Variants in DDX25 observed in about 807,000 individuals in gnomAD.
DDX25 encodes the protein ATP-dependent RNA helicase DDX25.
Under a neutral mutation model 64.6 loss-of-function variants are expected in DDX25, and 70 were observed. The observed-to-expected ratio is 1.08, with a 90% CI of 0.89 to 1.32. DDX25 has a LOEUF of 1.32. Among genes scored for constraint, DDX25 ranks in the 40% most tolerant of loss-of-function variants. The pLI is 0.00. For synonymous variants in DDX25, 211 were observed against 213.3 expected (o/e 0.99, Z 0.09); for missense variants, 587 against 604.4 (o/e 0.97, Z 0.30).
chr11:125,904,025 T>C (rs1591512489), upstream of DDX25, among the ~76,000 whole-genome samples: 1 of 152,378 alleles, frequency 6.6e-6, no homozygotes, highest in East Asian at 1.9e-4. Flanking sequence ...TCGAGGTCAT[T>C]CGTCATATCA....
chr11:125,922,064 C>A (rs563326097), intron 11 of DDX25: 12 of 152,140 alleles, frequency 7.9e-5, no homozygotes, highest in Admixed American at 7.2e-4. Context: ...CTTTTACTTA[C>A]GCTTTTTCCC....
chr11:125,911,689 T>C (rs1480200116), intron 8 of DDX25, among the ~76,000 whole-genome samples: 1 of 152,254 alleles, frequency 6.6e-6, no homozygotes, highest in Non-Finnish European at 1.5e-5. Flanking sequence ...TTTGTAATCT[T>C]GCCTGAGTGC....
intron 6 of DDX25, among the ~76,000 whole-genome samples, chr11:125,909,046 G>A (rs537517683): frequency 3.9e-4 from 60 of 152,308 alleles, no homozygotes; most frequent in African/African-American, 1.3e-3. Flanking sequence ...AGAGGGAAGT[G>A]TCTTTCTTGA....
Position 125,924,170 on chromosome 11 carries a change from G to C in DDX25, c.*1289G>C, listed in dbSNP as rs1945147878. The C allele has an allele frequency of 6.6e-6, 1 of 152,304 alleles. No homozygotes were observed. Among genetic ancestry groups the C allele is most frequent in the Non-Finnish European group, 1.5e-5 (1 of 68,136 alleles). The allele number at this position is 152,304 out of a possible 1,614,324, so 9.4% of individuals were successfully genotyped here. A position where few individuals can be genotyped will look rare whatever the true frequency, so the allele number is the denominator to read the frequency against. ...TAATCCCAGCTACTCAGGAGGCTGA[G>C]GCAGGAGAATCACTTGAACCCAGGA... On this transcript the variant is annotated 3_prime_UTR_variant, in exon 12 of 12. Transcript: ENST00000263576.
Position 125,922,909 on chromosome 11 carries a change from TC to T in DDX25, c.*30del. The T allele has an allele frequency of 6.3e-7, 1 of 1,581,176 alleles. No individual in the cohort carries two copies. Among genetic ancestry groups the T allele is most frequent in the South Asian group, 1.2e-5 (1 of 86,120 alleles). ...AAAGAACTTTATTGTTTGTGCAGTATCCTAGTTTATGTGAGAATGTCTCAGT... is the reference window on the plus strand; with the variant it reads ...AAAGAACTTTATTGTTTGTGCAGTATCTAGTTTATGTGAGAATGTCTCAGT... On this transcript the variant is annotated 3_prime_UTR_variant, in exon 12 of 12. Transcript: ENST00000263576.
At position 125,918,685 on chromosome 11, in the gene DDX25, T is replaced by C; in HGVS notation, c.1096T>C (p.Ser366Pro). Residue 366 changes from serine (S) to proline (P), a missense_variant, in exon 10 of 12, where the codon TCT (serine) becomes CCT (proline). Physicochemically the swap from Ser to Pro is moderately conservative, Grantham distance 74 (BLOSUM62 -1). Coordinates refer to ENST00000263576, the MANE Select transcript of DDX25 (RefSeq NM_013264.5). ...VEMIQDGHQV[S>P]LLSGELTVEQ... is the part of the protein sequence containing the mutation. Reference sequence around the variant, plus strand: ...GATGATACAGGATGGCCACCAGGTGTCTTTGTTAAGCGGGGAGCTGACCGT... The same window carrying C: ...GATGATACAGGATGGCCACCAGGTGCCTTTGTTAAGCGGGGAGCTGACCGT... 6.2e-7 allele frequency: 1 copy of C among 1,613,930 alleles called. No homozygotes were observed. The highest frequency in any genetic ancestry group is 8.5e-7 in the Non-Finnish European group (1 of 1,179,874).
At chr11:125,916,493 A>C (rs1945038434) in intron 8 of DDX25, among the ~76,000 whole-genome samples, 1 of 152,188 alleles carries the variant, frequency 6.6e-6, no homozygotes, top group Admixed American at 6.5e-5. Flanking sequence ...CCCTGTATTC[A>C]TTCTGGGTTC....
intron 10 of DDX25, among the ~76,000 whole-genome samples, chr11:125,919,937 G>A (rs1945090212): frequency 6.6e-6 from 1 of 152,156 alleles, no homozygotes; most frequent in Non-Finnish European, 1.5e-5. Context: ...TTATTTAATT[G>A]AAATATAGCC....
rs1413561987 is a variant in DDX25, at chr11:125,925,610, T to C, written c.*2729T>C. On this transcript the variant is annotated 3_prime_UTR_variant, in exon 12 of 12. Transcript: ENST00000263576. The stretch of plus-strand genomic sequence containing the variant: ...GCAACTGTGAGCTGGGTTCATCAGC[T>C]GTATGTTTCTTGGCACCAAATACTA... 2 of 374,778 alleles carry C rather than the reference T, an allele frequency of 5.3e-6. No homozygotes were observed. Among genetic ancestry groups the C allele is most frequent in the Non-Finnish European group, 1.1e-5 (2 of 183,452 alleles). The allele number at this position is 374,778 out of a possible 1,614,324, so 23.2% of individuals were successfully genotyped here.
rs997386053 is a variant in DDX25, at chr11:125,925,277, T to G, written c.*2396T>G. The G allele has an allele frequency of 8.1e-6, 3 of 372,576 alleles. No individual in the cohort carries two copies. The highest frequency in any genetic ancestry group is 6.3e-5 in the African/African-American group (3 of 47,952). 23.1% of individuals were successfully genotyped at this position (372,576 alleles called of 1,614,324 possible). On this transcript the variant is annotated 3_prime_UTR_variant, in exon 12 of 12. Coordinates refer to ENST00000263576, the MANE Select transcript of DDX25 (RefSeq NM_013264.5). ...ACAAATGTCCTCAGTAATTTTTGTT[T>G]GGCAGCTGTTCCCACAGGTCTGCAT...
In DDX25 at chr11:125,924,465, G is replaced by C. The variant is rs1591523412; in HGVS notation, c.*1584G>C. On this transcript the variant is annotated 3_prime_UTR_variant, in exon 12 of 12. Coordinates refer to ENST00000263576, the MANE Select transcript of DDX25 (RefSeq NM_013264.5). ...GGGCCCAGATCACTAGTGTAGCACA[G>C]AGGAGGGACCCTAACACCATCTAGG... 1 of 152,390 alleles carries C rather than the reference G, an allele frequency of 6.6e-6. No individual in the cohort carries two copies. The highest frequency in any genetic ancestry group is 1.9e-4 in the East Asian group (1 of 5,174). The allele number at this position is 152,390 out of a possible 1,614,324, so 9.4% of individuals were successfully genotyped here.
Position 125,925,739 on chromosome 11 carries a change from C to T in DDX25, c.*2858C>T, listed in dbSNP as rs1390434340. On this transcript the variant is annotated 3_prime_UTR_variant, in exon 12 of 12. Transcript: ENST00000263576. ...GTGATTTCCAGTGGGTAAGTGAACA[C>T]CTCGCATGGAACACGGCTGCTATGA... 3 of 258,962 alleles carry T rather than the reference C, an allele frequency of 1.2e-5. No homozygotes were observed. Among genetic ancestry groups the T allele is most frequent in the Admixed American group, 4.7e-5 (1 of 21,142 alleles). 16.0% of individuals were successfully genotyped at this position (258,962 alleles called of 1,614,324 possible). A position where few individuals can be genotyped will look rare whatever the true frequency, so the allele number is the denominator to read the frequency against.
chr11:125,917,690 C>T (rs986083971), intron 9 of DDX25, among the ~76,000 whole-genome samples: 3 of 152,110 alleles, frequency 2.0e-5, no homozygotes, highest in Admixed American at 6.6e-5. Context: ...GCAGGGTCTC[C>T]TCTCTCTCAT....
chr11:125,905,960 G>C (rs1944878329), intron 3 of DDX25, 114 bp from the exon 4 acceptor site: 4 of 1,328,922 alleles, frequency 3.0e-6, no homozygotes, highest in African/African-American at 1.5e-5. Flanking sequence ...TCTTTTAGAG[G>C]AAAAATGAGC....
At chr11:125,916,567 C>G (rs1324693357) in intron 8 of DDX25, among the ~76,000 whole-genome samples, 2 of 152,154 alleles carry the variant, frequency 1.3e-5, no homozygotes, top group Non-Finnish European at 2.9e-5. Flanking sequence ...GTATCTAGTT[C>G]TTCCCATTCT....
At chr11:125,906,309 C>T in intron 4 of DDX25, 100 bp downstream of exon 4, 1 of 1,338,676 alleles carries the variant, frequency 7.5e-7, no homozygotes, top group Non-Finnish European at 9.6e-7. Flanking sequence ...TCTTTGTTTT[C>T]TGATATTCAA....
At chr11:125,907,559 G>A (rs1354212875) in intron 4 of DDX25, among the ~76,000 whole-genome samples, 2 of 152,054 alleles carry the variant, frequency 1.3e-5, no homozygotes, top group Non-Finnish European at 2.9e-5. Context: ...AGTGAGCTGA[G>A]GTCGCGCCAC....
At chr11:125,906,399 T>C (rs966361783) in intron 4 of DDX25, among the ~76,000 whole-genome samples, 190 bp downstream of exon 4, 1 of 151,832 alleles carries the variant, frequency 6.6e-6, no homozygotes, top group Non-Finnish European at 1.5e-5. Flanking sequence ...GGCTCACTGC[T>C]CTACCTTACA....
intron 4 of DDX25, among the ~76,000 whole-genome samples, chr11:125,907,816 C>A (rs946658095): frequency 2.6e-5 from 4 of 152,160 alleles, no homozygotes; most frequent in African/African-American, 9.7e-5. Flanking sequence ...ATGTCAATAT[C>A]GTTCGTGAAA....
Sources: allele counts gnomAD v4.1 joint callset (sites outside exome capture counted in the v4.1 genomes callset), GRCh38; gene constraint gnomAD v4.1.1; transcripts MANE v1.5; gene names NCBI Gene and HGNC (gene_info 2026-07-23, HGNC 2026-07-21).